Variants in MAPK8IP2 observed in about 807,000 individuals in gnomAD.
The protein encoded by MAPK8IP2 is C-Jun-amino-terminal kinase-interacting protein 2.
A neutral mutation model predicts 75.6 loss-of-function variants in MAPK8IP2; 15 were observed. The observed-to-expected ratio is 0.20, with a 90% CI of 0.13 to 0.31. The LOEUF is 0.31. Ranked by LOEUF, MAPK8IP2 falls within the 10% of genes least tolerant of loss-of-function variation. The probability of loss-of-function intolerance (pLI) is 1.00; values close to 1 mark genes in which losing one functional copy is unlikely to be tolerated. For synonymous variants in MAPK8IP2, 632 were observed against 554.5 expected (o/e 1.14, Z -1.96); for missense variants, 1,089 against 1,211.2 (o/e 0.90, Z 1.50).
chr22:50,606,071 G>A (rs78122887), intron 8 of MAPK8IP2, 137 bp downstream of exon 8: 23,922 of 736,772 alleles, frequency 0.032, 484 homozygotes, highest in Non-Finnish European at 0.041. Flanking sequence ...GATGCTGCAG[G>A]GGGAGCTCGG....
Position 50,604,838 on chromosome 22 carries a change from G to A in MAPK8IP2, c.1539G>A (p.Leu513=), listed in dbSNP as rs2146684645. The A allele has an allele frequency of 6.3e-7, 1 of 1,581,506 alleles. No homozygotes were observed. The highest frequency in any genetic ancestry group is 2.3e-5 in the East Asian group (1 of 43,290). Residue 513 remains leucine, a synonymous_variant, in exon 5 of 12, where the codon CTG becomes CTA. Coordinates refer to ENST00000329492, the MANE Select transcript of MAPK8IP2 (RefSeq NM_012324.6). ...TGTACGACGCGGTCAAGTACACGCT[G>A]GTGGTGGATGAGCACACGCAGCTGG... ...SLVYDAVKYT[L]VVDEHTQLEL... is the part of the protein sequence containing the mutation.
intron 8 of MAPK8IP2, 47 bp downstream of exon 8, chr22:50,605,981 G>T: frequency 7.0e-7 from 1 of 1,423,966 alleles, no homozygotes; most frequent in Non-Finnish European, 9.6e-7. Flanking sequence ...CCGCTTGGCG[G>T]CCACACCAGC....
rs776699185 is a variant in MAPK8IP2, at chr22:50,603,438, C to A, written c.387C>A (p.Ser129=). 13 of 1,568,342 alleles carry A rather than the reference C, an allele frequency of 8.3e-6. No individual in the cohort carries two copies. Among genetic ancestry groups the A allele is most frequent in the Middle Eastern group, 1.7e-4 (1 of 5,880 alleles). ...PAPGPLIPSP[S]VEEPHKHRPT... ...CCGGGCCCCTTATCCCCTCCCCTTC[C>A]GTGGAGGAGCCCCACAAGCACCGGC... is the stretch of plus-strand genomic sequence containing the variant. The change falls in exon 3 of 12, where the codon TCC becomes TCA. Residue 129 remains serine (S), a synonymous_variant. Transcript: ENST00000329492.
chr22:50,603,937 A>G lies in MAPK8IP2; in HGVS notation c.638A>G (p.Glu213Gly). ...GACTGCGAAGGGAACCGGCCTGCGG[A>G]ACCCCCTGCGCCAGGGGGGACTTCG... ...GCDCEGNRPA[E>G]PPAPGGTSPS... Residue 213 changes from glutamate (E) to glycine (G), a missense_variant, in exon 5 of 12, where the codon GAA becomes GGA. By Grantham distance (98) the Glu-to-Gly change is moderately conservative. Coordinates refer to ENST00000329492, the MANE Select transcript of MAPK8IP2 (RefSeq NM_012324.6). 6.5e-7 allele frequency: 1 copy of G among 1,542,206 alleles called. No individual in the cohort carries two copies. Among genetic ancestry groups the G allele is most frequent in the Non-Finnish European group, 8.7e-7 (1 of 1,148,252 alleles).
At chr22:50,608,822 G>A (rs555922508) in intron 10 of MAPK8IP2, among the ~76,000 whole-genome samples, 46 of 150,890 alleles carry the variant, frequency 3.0e-4, no homozygotes, top group African/African-American at 6.6e-4. Flanking sequence ...CTGGGACAGC[G>A]GACGGGGCGC....
rs1458945471 is a variant in MAPK8IP2 at position 50,603,487 on chromosome 22, C to T, written c.436C>T (p.Leu146=). 2 of 1,562,988 alleles carry T rather than the reference C, an allele frequency of 1.3e-6. No homozygotes were observed. Among genetic ancestry groups the T allele is most frequent in the Non-Finnish European group, 1.7e-6 (2 of 1,150,802 alleles). ...GCCCACCACCCTCCGTCTGACCACA[C>T]TGGGGGCCCAGGTGAGTGCCCGGAC... ...HRPTTLRLTT[L]GAQDSLNNNG... Residue 146 remains leucine (L), a synonymous_variant, in exon 3 of 12, where the codon CTG becomes TTG. Coordinates refer to ENST00000329492, the MANE Select transcript of MAPK8IP2 (RefSeq NM_012324.6).
At chr22:50,609,724 C>A in intron 10 of MAPK8IP2, 1 of 510,902 alleles carries the variant, frequency 2.0e-6, no homozygotes, top group Non-Finnish European at 3.9e-6. Context: ...CGAGGCCCCG[C>A]AAGGAGCTGC....
In MAPK8IP2 at chr22:50,607,448, C is replaced by G. The variant is rs1387847401; in HGVS notation, c.2303+457C>G. 6.6e-6 allele frequency among the ~76,000 whole-genome samples: 1 copy of G among 152,044 alleles called. No individual in the cohort carries two copies. The highest frequency in any genetic ancestry group is 1.5e-5 in the Non-Finnish European group (1 of 68,000). On this transcript the variant is annotated intron_variant, in intron 10 of 11. Coordinates refer to ENST00000329492, the MANE Select transcript of MAPK8IP2 (RefSeq NM_012324.6). The surrounding 1 kb of genome is among the most constrained non-coding windows in gnomAD (Gnocchi z 5.6). The stretch of plus-strand genomic sequence containing the variant: ...AGAAATGCCGGGGAAGACCTGGACC[C>G]TTTTGATTATGCCAAGGAGCTGTAC...
intron 8 of MAPK8IP2, among the ~76,000 whole-genome samples, 163 bp from the exon 9 acceptor site, chr22:50,606,495 C>T (rs2071052478): frequency 6.6e-6 from 1 of 152,240 alleles, no homozygotes; most frequent in Non-Finnish European, 1.5e-5. Context: ...TGAGGAGTGG[C>T]CAAGGCCACA....
chr22:50,604,376 C>T lies in MAPK8IP2; in HGVS notation c.1077C>T (p.Ile359=), dbSNP rs778189105. ...TCAGCAACCTGGTGAGCCGCATGAT[C>T]TCCGAGGGCTCCTCGCCCATCCGCT... The part of the protein sequence containing the change: ...WLLSNLVSRM[I]SEGSSPIRCP... Residue 359 remains isoleucine, a synonymous_variant, in exon 5 of 12, where the codon ATC becomes ATT. Coordinates refer to ENST00000329492, the MANE Select transcript of MAPK8IP2 (RefSeq NM_012324.6). The T allele has an allele frequency of 1.3e-6, 2 of 1,530,204 alleles. No homozygotes were observed. The highest frequency in any genetic ancestry group is 1.4e-5 in the African/African-American group (1 of 72,116). 94.8% of individuals were successfully genotyped at this position (1,530,204 alleles called of 1,614,324 possible). A position where few individuals can be genotyped will look rare whatever the true frequency, so the allele number is the denominator to read the frequency against.
chr22:50,610,875 T>C lies in MAPK8IP2; in HGVS notation c.*96T>C. The C allele has an allele frequency of 9.5e-7, 1 of 1,051,648 alleles. No homozygotes were observed. 65.1% of individuals were successfully genotyped at this position (1,051,648 alleles called of 1,614,324 possible). On this transcript the variant is annotated 3_prime_UTR_variant, in exon 12 of 12. Coordinates refer to ENST00000329492, the MANE Select transcript of MAPK8IP2 (RefSeq NM_012324.6). This position sits in a 1 kb window ranked among gnomAD's most constrained non-coding sequence, Gnocchi z 4.3. Reference sequence around the variant, plus strand: ...ACCATGGCTTTGGCAAGGACTGGATTGGGGGGACATGGGACCTTACGCTTG... The same window carrying C: ...ACCATGGCTTTGGCAAGGACTGGATCGGGGGGACATGGGACCTTACGCTTG...
In MAPK8IP2 at chr22:50,604,037, C is replaced by T; in HGVS notation, c.738C>T (p.Ser246=). The T allele has an allele frequency of 1.3e-6, 2 of 1,548,978 alleles. No homozygotes were observed. The highest frequency in any genetic ancestry group is 1.2e-5 in the South Asian group (1 of 84,468). ...GCGGCCGCGGGGGACGTCGCAGCAG[C>T]CAGGAGCTGTCCTCGCCCGGCTCCG... ...SSGGRGGRRS[S]QELSSPGSDS... is the part of the protein sequence containing the mutation. Residue 246 remains serine (S), a synonymous_variant, in exon 5 of 12, where the codon AGC becomes AGT. Transcript: ENST00000329492.
In MAPK8IP2 at chr22:50,604,978, CGGG is replaced by C. The variant is rs1438228916; in HGVS notation, c.1682_1684del (p.Gly561del). On this transcript the variant is annotated inframe_deletion, in exon 5 of 12. Coordinates refer to ENST00000329492, the MANE Select transcript of MAPK8IP2 (RefSeq NM_012324.6). ...GCGCTGCTAGGCGGCGGTCAGGTCTCGGGGGACACCTCGCCGGACAGCCCTGAC... is the reference window on the plus strand; with the variant it reads ...GCGCTGCTAGGCGGCGGTCAGGTCTCGGACACCTCGCCGGACAGCCCTGAC... The C allele has an allele frequency of 6.2e-7, 1 of 1,612,314 alleles. No individual in the cohort carries two copies. Among genetic ancestry groups the C allele is most frequent in the Admixed American group, 1.7e-5 (1 of 60,030 alleles).
chr22:50,611,338 A>G lies in MAPK8IP2; in HGVS notation c.*559A>G, dbSNP rs2071147137. ...AGGGGGAAGCAGGGAGGGGTTCCCA[A>G]AAGAGCCCTGCGGAGGCTAGGAGTG... On this transcript the variant is annotated 3_prime_UTR_variant, in exon 12 of 12. Transcript: ENST00000329492. This position sits in a 1 kb window ranked among gnomAD's most constrained non-coding sequence, Gnocchi z 5.5. 6.5e-6 allele frequency: 1 copy of G among 152,838 alleles called. No individual in the cohort carries two copies. Among genetic ancestry groups the G allele is most frequent in the Non-Finnish European group, 1.5e-5 (1 of 68,278 alleles). The allele number at this position is 152,838 out of a possible 1,614,324, so 9.5% of individuals were successfully genotyped here.
At position 50,610,184 on chromosome 22, in the gene MAPK8IP2, C is replaced by T. The variant is rs373388773; in HGVS notation, c.2304-28C>T. 2.1e-3 allele frequency: 3,201 copies of T among 1,552,304 alleles called. 5 individuals are homozygous for T. The highest frequency in any genetic ancestry group is 2.6e-3 in the Non-Finnish European group (2,976 of 1,136,444). On this transcript the variant is annotated intron_variant, in intron 10 of 11. Coordinates refer to ENST00000329492, the MANE Select transcript of MAPK8IP2 (RefSeq NM_012324.6). This position sits in a 1 kb window ranked among gnomAD's most constrained non-coding sequence, Gnocchi z 4.3. ...GGCCAAGGCTGGGCCAGGGCTCTGA[C>T]GTGCCCTCCACACTGACTTGCCCGC...
rs372416568 is a variant in MAPK8IP2 at position 50,601,841 on chromosome 22, A to G, written c.118A>G (p.Ile40Val). ...ATTTGACGACGAAGATCTGTCTGAGATCACTGATGACTGTGGCCTGGGCCT... is the reference window on the plus strand; with the variant it reads ...ATTTGACGACGAAGATCTGTCTGAGGTCACTGATGACTGTGGCCTGGGCCT... The part of the protein sequence containing the change: ...EEFDDEDLSE[I>V]TDDCGLGLSY... Residue 40 changes from isoleucine (I) to valine (V), a missense_variant, in exon 2 of 12, where the codon ATC (isoleucine) becomes GTC (valine). By Grantham distance (29) the Ile-to-Val change is conservative (BLOSUM62 3). Coordinates refer to ENST00000329492, the MANE Select transcript of MAPK8IP2 (RefSeq NM_012324.6). 5.6e-6 allele frequency: 9 copies of G among 1,613,792 alleles called. No homozygotes were observed. The highest frequency in any genetic ancestry group is 1.3e-5 in the African/African-American group (1 of 74,914).
rs1276663694 is a variant in MAPK8IP2, at chr22:50,605,117, C to T, written c.1765+53C>T. The T allele has an allele frequency of 6.3e-6, 10 of 1,595,684 alleles. No homozygotes were observed. In the Admixed American group the frequency reaches 1.5e-4, roughly 24 times the overall value. ...TGGCCCAGAGGAAGGTGCAGACTCC[C>T]TGGCCCCAGTCCCAGGGTCCCCCAC... On this transcript the variant is annotated intron_variant, in intron 5 of 11. Transcript: ENST00000329492.
chr22:50,602,897 T>A (rs1459529558), intron 2 of MAPK8IP2, among the ~76,000 whole-genome samples: 2 of 152,192 alleles, frequency 1.3e-5, no homozygotes, highest in African/African-American at 4.8e-5. Flanking sequence ...TAACTGTAAG[T>A]TGTGTTAAAA....
chr22:50,605,610 T>G lies in MAPK8IP2; in HGVS notation c.1890T>G (p.Pro630=). ...AGCTGGAGCTGGATGTGGATGACCC[T>G]GTGTTGGTGGAGGCCGAGGAGGACG... is the stretch of plus-strand genomic sequence containing the variant. ...PDELELDVDD[P]VLVEAEEDDF... The change falls in exon 7 of 12, where the codon CCT becomes CCG. Residue 630 remains proline (P), a synonymous_variant. Transcript: ENST00000329492. 1 of 1,599,886 alleles carries G rather than the reference T, an allele frequency of 6.3e-7. No individual in the cohort carries two copies. The highest frequency in any genetic ancestry group is 8.5e-7 in the Non-Finnish European group (1 of 1,173,088).
Sources: allele counts gnomAD v4.1 joint callset (sites outside exome capture counted in the v4.1 genomes callset), GRCh38; gene constraint gnomAD v4.1.1; non-coding constraint Gnocchi (gnomAD v3.1); transcripts MANE v1.5; gene names NCBI Gene and HGNC (gene_info 2026-07-23, HGNC 2026-07-21).